PCDHA2: variants seen among roughly 807,000 people sequenced by gnomAD.
PCDHA2 encodes protocadherin alpha 2, also known as protocadherin alpha-2.
A neutral mutation model predicts 66.0 loss-of-function variants in PCDHA2; 58 were observed. The ratio of observed to expected loss-of-function variants is 0.88; its 90% CI spans 0.71 to 1.09. The LOEUF (loss-of-function observed/expected upper bound fraction) is 1.09. Ranked by LOEUF, PCDHA2 falls within the 50% of genes least tolerant of loss-of-function variation. PCDHA2 has a pLI of 0.00. For missense variants in PCDHA2, 1,267 were observed against 1,242.3 expected, an observed-to-expected ratio of 1.02 and a Z score of -0.30; for synonymous variants, 634 against 554.0, an observed-to-expected ratio of 1.14 and a Z score of -2.03.
Position 140,849,938 on chromosome 5 carries a change from C to A in PCDHA2, c.2388+52586C>A. The A allele has an allele frequency of 2.5e-6, 4 of 1,598,014 alleles. 1 individual carries two copies. Among genetic ancestry groups the A allele is most frequent in the Non-Finnish European group, 3.4e-6 (4 of 1,167,752 alleles). On this transcript the variant is annotated intron_variant, in intron 1 of 3. Transcript: ENST00000526136. ...ACATCTTCACGGTGTCTGCGCGGGACGCTGACGCGCAGGAGAACGCCCTGG... is the reference window on the plus strand; with the variant it reads ...ACATCTTCACGGTGTCTGCGCGGGAAGCTGACGCGCAGGAGAACGCCCTGG...
At chr5:140,945,349 T>G (rs578151486) in intron 1 of PCDHA2, among the ~76,000 whole-genome samples, 43 of 152,144 alleles carry the variant, frequency 2.8e-4, no homozygotes, top group Non-Finnish European at 4.9e-4. Context: ...TTGGAAAAAT[T>G]AATACTGTTT....
At chr5:141,009,501 C>G in intron 3 of PCDHA2, 126 bp from the exon 4 acceptor site, 2 of 1,492,598 alleles carry the variant, frequency 1.3e-6, no homozygotes, top group Non-Finnish European at 1.8e-6. Context: ...CAGACTTGAA[C>G]AAACAACTCG....
At chr5:140,998,968 T>A (rs2097841777) in intron 3 of PCDHA2, among the ~76,000 whole-genome samples, 1 of 152,238 alleles carries the variant, frequency 6.6e-6, no homozygotes, top group Non-Finnish European at 1.5e-5. Context: ...TCAAATAGTA[T>A]CCTAGAAAAT....
At chr5:140,991,991 T>C (rs1420188681) in intron 3 of PCDHA2, among the ~76,000 whole-genome samples, 1 of 151,444 alleles carries the variant, frequency 6.6e-6, no homozygotes, top group Admixed American at 6.6e-5. Context: ...TACCACCCGG[T>C]CTTTCATGTT....
chr5:140,805,894 A>G (rs1763647869), intron 1 of PCDHA2, among the ~76,000 whole-genome samples: 1 of 152,176 alleles, frequency 6.6e-6, no homozygotes, highest in African/African-American at 2.4e-5. Context: ...GGAAGCAAAC[A>G]TTTTCTGCAG....
At chr5:140,876,309 TG>T (rs782243460) in intron 1 of PCDHA2, 8 of 1,613,946 alleles carry the variant, frequency 5.0e-6, no homozygotes, top group Non-Finnish European at 6.8e-6. Flanking sequence ...AAATTTCCTA[TG>T]GGATCAAAAT....
Position 140,857,922 on chromosome 5 carries a change from T to C in PCDHA2, c.2388+60570T>C, listed in dbSNP as rs782519535. On this transcript the variant is annotated intron_variant, in intron 1 of 3. Coordinates refer to ENST00000526136, the MANE Select transcript of PCDHA2 (RefSeq NM_018905.3). Reference sequence around the variant, plus strand: ...GCACGCATCCCGTTTCGCGTGGGGCTGTACACGGGCGAGATCAGTACGACG... The same window carrying C: ...GCACGCATCCCGTTTCGCGTGGGGCCGTACACGGGCGAGATCAGTACGACG... The C allele has an allele frequency of 1.9e-6, 3 of 1,597,722 alleles. No homozygotes were observed. The South Asian group carries it at 3.3e-5, about 18-fold the overall frequency.
At position 140,883,032 on chromosome 5, in the gene PCDHA2, C is replaced by G. The variant is rs2153389895; in HGVS notation, c.2388+85680C>G. The G allele has an allele frequency of 6.2e-6, 10 of 1,614,064 alleles. No individual in the cohort carries two copies. The South Asian group carries it at 8.8e-5, about 14-fold the overall frequency. ...TATAAAGTGACGGTGTTAGAGAACG[C>G]CTTCAATGGAACATTAGTGATCAAG... On this transcript the variant is annotated intron_variant, in intron 1 of 3. Transcript: ENST00000526136.
intron 1 of PCDHA2, among the ~76,000 whole-genome samples, chr5:140,897,323 T>TCCCTCCC (rs2065998893): frequency 1.7e-5 from 2 of 114,654 alleles, no homozygotes; most frequent in South Asian, 6.8e-4. Flanking sequence ...CCTAAAGCTA[T>TCCCTCCC]CCCTCCCCCC....
chr5:140,895,044 C>T (rs964599264), intron 1 of PCDHA2, among the ~76,000 whole-genome samples: 24 of 152,112 alleles, frequency 1.6e-4, no homozygotes, highest in Non-Finnish European at 2.2e-4. Flanking sequence ...CCACCCACAC[C>T]ATTCTGCTTC....
intron 1 of PCDHA2, among the ~76,000 whole-genome samples, chr5:140,908,191 G>A (rs548195405): frequency 2.6e-5 from 4 of 152,244 alleles, no homozygotes; most frequent in African/African-American, 9.6e-5. Flanking sequence ...TTCAGGTGGT[G>A]GACATATCAT....
At chr5:140,996,226 G>C (rs2097717630) in intron 3 of PCDHA2, among the ~76,000 whole-genome samples, 1 of 152,196 alleles carries the variant, frequency 6.6e-6, no homozygotes, top group South Asian at 2.1e-4. Context: ...GTCTAGAAAT[G>C]GTTGCTCAAG....
At chr5:140,953,948 C>T (rs1012464637) in intron 1 of PCDHA2, among the ~76,000 whole-genome samples, 1 of 152,092 alleles carries the variant, frequency 6.6e-6, no homozygotes, top group Non-Finnish European at 1.5e-5. Flanking sequence ...CATTGCTCCC[C>T]CAACAGGCCC....
chr5:140,926,034 G>A (rs782564671), intron 1 of PCDHA2, among the ~76,000 whole-genome samples: 1 of 152,158 alleles, frequency 6.6e-6, no homozygotes, highest in Non-Finnish European at 1.5e-5. Context: ...GTTTGATGCG[G>A]ACACTATTCC....
intron 1 of PCDHA2, among the ~76,000 whole-genome samples, chr5:140,891,408 C>G (rs1341322877): frequency 2.0e-5 from 3 of 147,046 alleles, no homozygotes; most frequent in Admixed American, 6.8e-5. Flanking sequence ...TCGCCACCCC[C>G]CACTCTTGCC....
At chr5:140,959,343 C>T (rs1370310453) in intron 1 of PCDHA2, among the ~76,000 whole-genome samples, 1 of 152,052 alleles carries the variant, frequency 6.6e-6, no homozygotes, top group Admixed American at 6.6e-5. Context: ...CTACTGCACT[C>T]CAGCGGGACA....
At position 140,843,775 on chromosome 5, in the gene PCDHA2, A is replaced by C. The variant is rs2150366589; in HGVS notation, c.2388+46423A>C. On this transcript the variant is annotated intron_variant, in intron 1 of 3. Coordinates refer to ENST00000526136, the MANE Select transcript of PCDHA2 (RefSeq NM_018905.3). The stretch of plus-strand genomic sequence containing the variant: ...ATTTGTGGAAATTGTAGTTACTTTA[A>C]AAGTGTTTCAGATTTAGTTTTTCAC... 8 of 1,450,698 alleles carry C rather than the reference A, an allele frequency of 5.5e-6. No homozygotes were observed. In the South Asian group the frequency reaches 1.0e-4, roughly 18 times the overall value. The allele number at this position is 1,450,698 out of a possible 1,614,324, so 89.9% of individuals were successfully genotyped here.
intron 1 of PCDHA2, among the ~76,000 whole-genome samples, chr5:140,953,839 A>G (rs2094940958): frequency 6.6e-6 from 1 of 152,192 alleles, no homozygotes; most frequent in African/African-American, 2.4e-5. Flanking sequence ...TTTGTTACCC[A>G]GGTAAACATG....
chr5:140,828,219 C>A (rs2150152527), intron 1 of PCDHA2: 4 of 1,614,022 alleles, frequency 2.5e-6, no homozygotes, highest in East Asian at 2.2e-5. Context: ...AAACACGGCA[C>A]CTTCGTGGGC....
Sources: allele counts gnomAD v4.1 joint callset (sites outside exome capture counted in the v4.1 genomes callset), GRCh38; gene constraint gnomAD v4.1.1; transcripts MANE v1.5; gene names NCBI Gene and HGNC (gene_info 2026-07-23, HGNC 2026-07-21).